The following FBXO44 variants were observed in gnomAD, a reference collection of about 807,000 sequenced individuals.
FBXO44 encodes F-box protein 44.
FBXO44 carries 25 observed loss-of-function variants against 33.5 expected under a neutral mutation model. The ratio of observed to expected loss-of-function variants is 0.75; its 90% confidence interval spans 0.54 to 1.04. The LOEUF is 1.04. FBXO44 is among the 50% of genes least tolerant of loss of function. The pLI is 0.00. For missense variants in FBXO44, 311 were observed against 344.0 expected (o/e 0.90, Z 0.76); for synonymous variants, 147 against 152.8 (o/e 0.96, Z 0.28).
chr1:11,655,953 C>T lies in FBXO44; in HGVS notation c.118C>T (p.Leu40Phe). The T allele has an allele frequency of 6.2e-7, 1 of 1,614,088 alleles. No individual in the cohort carries two copies. The highest frequency in any genetic ancestry group is 8.5e-7 in the Non-Finnish European group (1 of 1,180,042). The change falls in exon 2 of 6, where the codon CTC becomes TTC. Residue 40 changes from leucine (L) to phenylalanine (F), a missense_variant. By Grantham distance (22) the Leu-to-Phe change is conservative. Coordinates refer to ENST00000251547, the MANE Select transcript of FBXO44 (RefSeq NM_033182.7). ...CCTGGTCTGCAGCCTCTGGCGGGAC[C>T]TCATCGACCTCGTGACCCTCTGGAA... ...CRLVCSLWRD[L>F]IDLVTLWKRK...
At chr1:11,658,426 C>T (rs1002582379) in intron 3 of FBXO44, 33 bp downstream of exon 3, 11 of 1,613,252 alleles carry the variant, frequency 6.8e-6, no homozygotes, top group Non-Finnish European at 9.3e-6. Context: ...AGGGGAAAGC[C>T]CAAATCAATT....
Position 11,661,093 on chromosome 1 carries a change from C to G in FBXO44, c.625-37C>G. 6.3e-7 allele frequency: 1 copy of G among 1,591,992 alleles called. No individual in the cohort carries two copies. The highest frequency in any genetic ancestry group is 8.6e-7 in the Non-Finnish European group (1 of 1,164,614). On this transcript the variant is annotated intron_variant, in intron 5 of 5. Coordinates refer to ENST00000251547, the MANE Select transcript of FBXO44 (RefSeq NM_033182.7). This position sits in a 1 kb window ranked among gnomAD's most constrained non-coding sequence, Gnocchi z 4.4. ...CCGCCACACCCAGCCTGAGTCAGCT[C>G]CCTTGACCTTTCTCCCCCCTCTACC...
chr1:11,654,415 G>A, upstream of FBXO44: 2 of 1,309,182 alleles, frequency 1.5e-6, no homozygotes, highest in Non-Finnish European at 9.8e-7. Flanking sequence ...GCGAGTCCCG[G>A]CGCTGTCCGC....
chr1:11,655,927 G>T lies in FBXO44; in HGVS notation c.92G>T (p.Arg31Leu), dbSNP rs201772395. 1.2e-6 allele frequency: 2 copies of T among 1,613,842 alleles called. No homozygotes were observed. Among genetic ancestry groups the T allele is most frequent in the African/African-American group, 1.3e-5 (1 of 74,914 alleles). ...VPARQLLLNC[R>L]LVCSLWRDLI... ...GCCCGCCAGCTGCTGCTGAACTGCC[G>T]CCTGGTCTGCAGCCTCTGGCGGGAC... Residue 31 changes from arginine (R) to leucine (L), a missense_variant, in exon 2 of 6, where the codon CGC becomes CTC. Transcript: ENST00000251547.
intron 5 of FBXO44, 112 bp downstream of exon 5, chr1:11,658,983 A>G: frequency 7.3e-7 from 1 of 1,367,054 alleles, no homozygotes; most frequent in Non-Finnish European, 1.0e-6. Flanking sequence ...TGTGCTTCCA[A>G]TGCTCTGAGC....
intron 2 of FBXO44, among the ~76,000 whole-genome samples, 200 bp from the exon 3 acceptor site, chr1:11,658,067 C>A (rs913098355): frequency 6.6e-6 from 1 of 152,128 alleles, no homozygotes; most frequent in African/African-American, 2.4e-5. Flanking sequence ...GTCTCAGGGC[C>A]CCCAGGGAAG....
At chr1:11,658,984 T>C in intron 5 of FBXO44, 113 bp downstream of exon 5, 1 of 1,339,094 alleles carries the variant, frequency 7.5e-7, no homozygotes, top group East Asian at 2.4e-5. Context: ...GTGCTTCCAA[T>C]GCTCTGAGCT....
chr1:11,661,269 C>T lies in FBXO44; in HGVS notation c.764C>T (p.Pro255Leu). 1.2e-6 allele frequency: 2 copies of T among 1,614,112 alleles called. No individual in the cohort carries two copies. Among genetic ancestry groups the T allele is most frequent in the Non-Finnish European group, 1.7e-6 (2 of 1,180,012 alleles). Residue 255 changes from proline to leucine, a missense_variant, in exon 6 of 6, where the codon CCC becomes CTC. Pro to Leu is a moderately conservative substitution (Grantham distance 98). Transcript: ENST00000251547. The surrounding 1 kb of genome is among the most constrained non-coding windows in gnomAD (Gnocchi z 4.4). ...AGCATCACCATCGGGCCCCCGCTGC[C>T]CTGACACCCCCTGAGCCCCCATCTG... ...NSSITIGPPLP is the reference protein window; with the variant it reads ...NSSITIGPPLL
rs750005384 is a variant in FBXO44, at chr1:11,655,948, G to A, written c.113G>A (p.Arg38Gln). Reference protein sequence around the residue: ...LNCRLVCSLWRDLIDLVTLWK... With the variant: ...LNCRLVCSLWQDLIDLVTLWK... ...TGCCGCCTGGTCTGCAGCCTCTGGC[G>A]GGACCTCATCGACCTCGTGACCCTC... The change falls in exon 2 of 6, where the codon CGG (arginine) becomes CAG (glutamine). Residue 38 changes from arginine (R) to glutamine (Q), a missense_variant. Physicochemically the swap from Arg to Gln is conservative, Grantham distance 43. Coordinates refer to ENST00000251547, the MANE Select transcript of FBXO44 (RefSeq NM_033182.7). 2.9e-5 allele frequency: 47 copies of A among 1,614,022 alleles called. No individual in the cohort carries two copies. The highest frequency in any genetic ancestry group is 1.6e-4 in the South Asian group (15 of 91,078).
In FBXO44 at chr1:11,655,857, G is replaced by A. The variant is rs780764425; in HGVS notation, c.22G>A (p.Glu8Lys). The change falls in exon 2 of 6, where the codon GAG becomes AAG. Residue 8 changes from glutamate (E) to lysine (K), a missense_variant. Physicochemically the swap from Glu to Lys is moderately conservative, Grantham distance 56. Coordinates refer to ENST00000251547, the MANE Select transcript of FBXO44 (RefSeq NM_033182.7). ...AGCCATGGCTGTGGGGAACATCAACGAGCTGCCCGAGAACATCCTGCTGGA... is the reference window on the plus strand; with the variant it reads ...AGCCATGGCTGTGGGGAACATCAACAAGCTGCCCGAGAACATCCTGCTGGA... Reference protein sequence around the residue: MAVGNINELPENILLELF... With the variant: MAVGNINKLPENILLELF... 3.1e-6 allele frequency: 5 copies of A among 1,613,830 alleles called. No individual in the cohort carries two copies. The highest frequency in any genetic ancestry group is 1.7e-4 in the Middle Eastern group (1 of 6,058).
rs949566844 is a variant in FBXO44, at chr1:11,661,421, G to A, written c.*148G>A. 19 of 1,236,092 alleles carry A rather than the reference G, an allele frequency of 1.5e-5. No homozygotes were observed. In the East Asian group the frequency reaches 3.7e-4, roughly 24 times the overall value. 76.6% of individuals were successfully genotyped at this position (1,236,092 alleles called of 1,614,324 possible). A position where few individuals can be genotyped will look rare whatever the true frequency, so the allele number is the denominator to read the frequency against. On this transcript the variant is annotated 3_prime_UTR_variant, in exon 6 of 6. Coordinates refer to ENST00000251547, the MANE Select transcript of FBXO44 (RefSeq NM_033182.7). This position sits in a 1 kb window ranked among gnomAD's most constrained non-coding sequence, Gnocchi z 4.4. ...AGCCTCTTCTTTGTGGAGCCTCTCAGTGTGGGCAGCCCTCGCATGCTGGGG... is the reference window on the plus strand; with the variant it reads ...AGCCTCTTCTTTGTGGAGCCTCTCAATGTGGGCAGCCCTCGCATGCTGGGG...
chr1:11,661,125 G>A lies in FBXO44; in HGVS notation c.625-5G>A. On this transcript the variant is annotated splice_region_variant and splice_polypyrimidine_tract_variant and intron_variant, in intron 5 of 5. Coordinates refer to ENST00000251547, the MANE Select transcript of FBXO44 (RefSeq NM_033182.7). The surrounding 1 kb of genome is among the most constrained non-coding windows in gnomAD (Gnocchi z 4.4). ...CCTTTCTCCCCCCTCTACCTGCCCTGCCAGGTCTCCCACACATTCTCCAAC... is the reference window on the plus strand; with the variant it reads ...CCTTTCTCCCCCCTCTACCTGCCCTACCAGGTCTCCCACACATTCTCCAAC... 1 of 1,608,420 alleles carries A rather than the reference G, an allele frequency of 6.2e-7. No homozygotes were observed. Among genetic ancestry groups the A allele is most frequent in the Non-Finnish European group, 8.5e-7 (1 of 1,175,568 alleles).
chr1:11,655,903 C>A lies in FBXO44; in HGVS notation c.68C>A (p.Ala23Asp). 12 of 1,613,960 alleles carry A rather than the reference C, an allele frequency of 7.4e-6. No individual in the cohort carries two copies. Among genetic ancestry groups the A allele is most frequent in the Non-Finnish European group, 1.0e-5 (12 of 1,180,038 alleles). The change falls in exon 2 of 6, where the codon GCC becomes GAC. Residue 23 changes from alanine (A) to aspartate (D), a missense_variant. Physicochemically the swap from Ala to Asp is moderately radical, Grantham distance 126. Transcript: ENST00000251547. Reference protein sequence around the residue: ...ILLELFTHVPARQLLLNCRLV... With the variant: ...ILLELFTHVPDRQLLLNCRLV... ...CTGGAGCTGTTCACGCACGTGCCCG[C>A]CCGCCAGCTGCTGCTGAACTGCCGC...
chr1:11,660,830 G>A (rs1372953819), intron 5 of FBXO44, among the ~76,000 whole-genome samples: 4 of 152,202 alleles, frequency 2.6e-5, no homozygotes, highest in South Asian at 4.1e-4. Flanking sequence ...CTGTTGCCCA[G>A]GCTGGAGCGC....
rs1640256938 is a variant in FBXO44 at position 11,662,713 on chromosome 1, C to T, written c.*1440C>T. 6.6e-6 allele frequency: 1 copy of T among 152,324 alleles called. No homozygotes were observed. The highest frequency in any genetic ancestry group is 1.9e-4 in the East Asian group (1 of 5,170). 9.4% of individuals were successfully genotyped at this position (152,324 alleles called of 1,614,324 possible). ...ATATGGTTAAGCTTTGTGTCCCCAC[C>T]CACATCTCATCTTGAATGGTAATCC... is the stretch of plus-strand genomic sequence containing the variant. On this transcript the variant is annotated 3_prime_UTR_variant, in exon 6 of 6. Coordinates refer to ENST00000251547, the MANE Select transcript of FBXO44 (RefSeq NM_033182.7).
chr1:11,658,361 C>G lies in FBXO44; in HGVS notation c.360C>G (p.Asp120Glu), dbSNP rs1343496924. Residue 120 changes from aspartate (D) to glutamate (E), a missense_variant, in exon 3 of 6, where the codon GAC (aspartate) becomes GAG (glutamate). By Grantham distance (45) the Asp-to-Glu change is conservative. Coordinates refer to ENST00000251547, the MANE Select transcript of FBXO44 (RefSeq NM_033182.7). Reference sequence around the variant, plus strand: ...ACCAGAGGAAGGAATTCCCCAATGACCAGGTCAAGAAATACTTCGTTACTT... The same window carrying G: ...ACCAGAGGAAGGAATTCCCCAATGAGCAGGTCAAGAAATACTTCGTTACTT... Reference protein sequence around the residue: ...SRDQRKEFPNDQVKKYFVTSY... With the variant: ...SRDQRKEFPNEQVKKYFVTSY... The G allele has an allele frequency of 6.2e-7, 1 of 1,613,694 alleles. No individual in the cohort carries two copies. Among genetic ancestry groups the G allele is most frequent in the Non-Finnish European group, 8.5e-7 (1 of 1,179,906 alleles).
Position 11,658,584 on chromosome 1 carries a change from G to A in FBXO44, c.444G>A (p.Glu148=). 1 of 1,613,630 alleles carries A rather than the reference G, an allele frequency of 6.2e-7. No individual in the cohort carries two copies. Among genetic ancestry groups the A allele is most frequent in the African/African-American group, 1.3e-5 (1 of 75,038 alleles). Residue 148 remains glutamate, a synonymous_variant, in exon 4 of 6, where the codon GAG becomes GAA. Transcript: ENST00000251547. ...ACCTCAAGGCCGAAGGGTATTGGGA[G>A]GAGCTGATGGATACCACACGGCCGG... is the stretch of plus-strand genomic sequence containing the variant. ...VVDLKAEGYW[E]ELMDTTRPDI...
chr1:11,659,457 G>A (rs1640043865), intron 5 of FBXO44, among the ~76,000 whole-genome samples: 2 of 152,268 alleles, frequency 1.3e-5, no homozygotes, highest in Middle Eastern at 3.4e-3. Flanking sequence ...GATTACTACT[G>A]TTTTCTAGAC....
rs1203601969 is a variant in FBXO44 at position 11,654,888 on chromosome 1, A to C, written c.-95A>C. On this transcript the variant is annotated 5_prime_UTR_variant, in exon 1 of 6. Coordinates refer to ENST00000251547, the MANE Select transcript of FBXO44 (RefSeq NM_033182.7). ...CGGGGCGGGGCCTCGCTTTCCAGGC[A>C]AGCGCAGGTCCAGGCGGTGCAGCTT... is the stretch of plus-strand genomic sequence containing the variant. 7.4e-5 allele frequency: 11 copies of C among 148,056 alleles called. No homozygotes were observed. In the South Asian group the frequency reaches 2.0e-3, roughly 27 times the overall value. 9.2% of individuals were successfully genotyped at this position (148,056 alleles called of 1,614,324 possible).
Sources: allele counts gnomAD v4.1 joint callset (sites outside exome capture counted in the v4.1 genomes callset), GRCh38; gene constraint gnomAD v4.1.1; non-coding constraint Gnocchi (gnomAD v3.1); transcripts MANE v1.5; gene names NCBI Gene and HGNC (gene_info 2026-07-23, HGNC 2026-07-21).